PRCP: variants seen among roughly 807,000 people sequenced by gnomAD.
PRCP encodes prolylcarboxypeptidase.
In PRCP, 46 loss-of-function variants were observed where a neutral mutation model predicts 54.2. The ratio of observed to expected loss-of-function variants is 0.85; its 90% CI spans 0.67 to 1.09. The LOEUF (loss-of-function observed/expected upper bound fraction) is 1.09, where lower values mean the gene tolerates loss of function less well. Ranked by LOEUF, PRCP falls within the 50% of genes least tolerant of loss-of-function variation. PRCP has a pLI of 0.00. For missense variants in PRCP, 613 were observed against 596.8 expected, an observed-to-expected ratio of 1.03 and a Z score of -0.28; for synonymous variants, 240 against 212.2, an observed-to-expected ratio of 1.13 and a Z score of -1.14.
intron 8 of PRCP, chr11:82,836,969 T>C (rs1237352031): frequency 3.2e-6 from 1 of 311,274 alleles, no homozygotes; most frequent in Non-Finnish European, 6.3e-6. Flanking sequence ...TATCAAGGAA[T>C]ATGTCATTTA....
At chr11:82,854,972 C>A (rs1212041002) in intron 2 of PRCP, among the ~76,000 whole-genome samples, 1 of 152,152 alleles carries the variant, frequency 6.6e-6, no homozygotes, top group East Asian at 1.9e-4. Context: ...TAGCCATATG[C>A]AGAAGATTGA....
intron 1 of PRCP, among the ~76,000 whole-genome samples, chr11:82,860,939 T>C (rs557333315): frequency 3.0e-4 from 45 of 152,242 alleles, no homozygotes; most frequent in African/African-American, 1.1e-3. Context: ...GAGTTATATT[T>C]AAAGAAGATA....
chr11:82,872,531 G>A (rs1219825896), intron 1 of PRCP, among the ~76,000 whole-genome samples: 1 of 152,134 alleles, frequency 6.6e-6, no homozygotes, highest in Non-Finnish European at 1.5e-5. Context: ...AAAGCAAAAT[G>A]GCCATGTGAC....
At position 82,900,317 on chromosome 11, in the gene PRCP, A is replaced by C; in HGVS notation, c.86T>G (p.Leu29Arg). 1 of 1,614,212 alleles carries C rather than the reference A, an allele frequency of 6.2e-7. No individual in the cohort carries two copies. Among genetic ancestry groups the C allele is most frequent in the Non-Finnish European group, 8.5e-7 (1 of 1,180,024 alleles). Residue 29 changes from leucine (L) to arginine (R), a missense_variant, in exon 1 of 9, where the codon CTC becomes CGC. Leu to Arg is a moderately radical substitution (Grantham distance 102). Transcript: ENST00000313010. ...TIALRPALRA[L>R]GSLHLPTNPT... ...GTTGGTTGGCAAGTGTAGGCTGCCG[A>C]GGGCCCTTAAGGCCGGCCGGAGGGC...
At chr11:82,872,408 G>A (rs1018766164) in intron 1 of PRCP, among the ~76,000 whole-genome samples, 1 of 152,200 alleles carries the variant, frequency 6.6e-6, no homozygotes, top group Non-Finnish European at 1.5e-5. Context: ...GTTAAGATGA[G>A]GGCATGCTGG....
intron 1 of PRCP, among the ~76,000 whole-genome samples, chr11:82,865,309 C>T (rs1489985491): frequency 6.6e-6 from 1 of 152,176 alleles, no homozygotes; most frequent in East Asian, 1.9e-4. Flanking sequence ...CCTCGGTAGG[C>T]GACACTTAAG....
chr11:82,889,176 A>T (rs528712650), intron 1 of PRCP, among the ~76,000 whole-genome samples: 4 of 152,034 alleles, frequency 2.6e-5, no homozygotes, highest in Admixed American at 1.3e-4. Flanking sequence ...CCTGGGCAAC[A>T]TAGCAAGACC....
chr11:82,835,161 T>G lies in PRCP; in HGVS notation c.1274+3226A>C, dbSNP rs575078004. Among the ~76,000 whole-genome samples the G allele has an allele frequency of 3.9e-4, 60 of 152,352 alleles. 1 individual carries two copies. The highest frequency in any genetic ancestry group is 1.4e-3 in the African/African-American group (57 of 41,580). On this transcript the variant is annotated intron_variant, in intron 8 of 8. Coordinates refer to ENST00000313010, the MANE Select transcript of PRCP (RefSeq NM_005040.4). Reference sequence around the variant, plus strand: ...CCACCATGGTGCACGTTTACCTATGTAACAAACCTGCACATCCTACACATG... The same window carrying G: ...CCACCATGGTGCACGTTTACCTATGGAACAAACCTGCACATCCTACACATG...
chr11:82,867,510 G>T (rs1003065116), intron 1 of PRCP, among the ~76,000 whole-genome samples: 1 of 152,132 alleles, frequency 6.6e-6, no homozygotes, highest in Non-Finnish European at 1.5e-5. Flanking sequence ...TCTATCTGTT[G>T]GTCAAACAGC....
intron 6 of PRCP, chr11:82,843,264 C>T (rs1858719185): frequency 6.6e-6 from 1 of 151,092 alleles, no homozygotes; most frequent in Non-Finnish European, 1.5e-5. Context: ...TATGATCACA[C>T]CACTGCACTC....
intron 6 of PRCP, among the ~76,000 whole-genome samples, chr11:82,846,915 T>A (rs1468794569): frequency 1.3e-5 from 2 of 152,230 alleles, no homozygotes; most frequent in Non-Finnish European, 1.5e-5. Flanking sequence ...TTTTTCTAGA[T>A]AAGTGGTTAG....
chr11:82,893,616 A>C (rs997117670), intron 1 of PRCP, among the ~76,000 whole-genome samples: 1 of 152,084 alleles, frequency 6.6e-6, no homozygotes, highest in African/African-American at 2.4e-5. Context: ...ACATAACGAG[A>C]TCCCATCTCT....
intron 8 of PRCP, 90 bp downstream of exon 8, chr11:82,838,297 T>C: frequency 1.6e-6 from 2 of 1,231,838 alleles, no homozygotes; most frequent in East Asian, 2.4e-5. Flanking sequence ...TATGTTGTTA[T>C]ATTGTCCAGC....
intron 1 of PRCP, among the ~76,000 whole-genome samples, chr11:82,872,257 T>C (rs1261313638): frequency 1.3e-5 from 2 of 152,208 alleles, no homozygotes; most frequent in Admixed American, 6.5e-5. Flanking sequence ...GACTACTGTA[T>C]AGCTCCAATA....
chr11:82,838,570 CAGGCCTA>C lies in PRCP; in HGVS notation c.1087-3_1090del. The C allele has an allele frequency of 6.2e-7, 1 of 1,611,546 alleles. No homozygotes were observed. The highest frequency in any genetic ancestry group is 8.5e-7 in the Non-Finnish European group (1 of 1,179,106). On this transcript the variant is annotated splice_acceptor_variant and splice_polypyrimidine_tract_variant and coding_sequence_variant and intron_variant, in exon 8 of 9. Transcript: ENST00000313010. LOFTEE classifies it high-confidence loss of function. ...ACAAAAGGGCATGACTACTTCTGTGCAGGCCTAAGAAGCAAACCAAGAGAGAATCCAA... is the reference window on the plus strand; with the variant it reads ...ACAAAAGGGCATGACTACTTCTGTGCAGAAGCAAACCAAGAGAGAATCCAA...
chr11:82,851,938 T>G (rs1858968184), intron 3 of PRCP, among the ~76,000 whole-genome samples: 2 of 152,188 alleles, frequency 1.3e-5, no homozygotes, highest in South Asian at 4.1e-4. Context: ...TCTGTACAGT[T>G]GAGTGCATTT....
intron 1 of PRCP, among the ~76,000 whole-genome samples, chr11:82,868,595 T>A (rs1197235773): frequency 3.1e-5 from 1 of 32,474 alleles, no homozygotes; most frequent in African/African-American, 2.6e-4. Context: ...CAGAGAAGAA[T>A]TTTTTTTTTT....
Position 82,850,315 on chromosome 11 carries a change from T to C in PRCP, c.593+9A>G, listed in dbSNP as rs779764255. On this transcript the variant is annotated intron_variant, in intron 4 of 8. Transcript: ENST00000313010. Reference sequence around the variant, plus strand: ...AAGAAACGTTCATGTCCAGTACAAATGCACTTACCCAACTACCATATGAGG... The same window carrying C: ...AAGAAACGTTCATGTCCAGTACAAACGCACTTACCCAACTACCATATGAGG... 4 of 1,503,268 alleles carry C rather than the reference T, an allele frequency of 2.7e-6. No homozygotes were observed. Among genetic ancestry groups the C allele is most frequent in the Non-Finnish European group, 3.6e-6 (4 of 1,121,020 alleles). 93.1% of individuals were successfully genotyped at this position (1,503,268 alleles called of 1,614,324 possible).
At position 82,823,585 on chromosome 11, in the gene PRCP, GT is replaced by G. The variant is rs1858147170; in HGVS notation, c.*1320del. 1 of 151,864 alleles carries G rather than the reference GT, an allele frequency of 6.6e-6. No individual in the cohort carries two copies. Among genetic ancestry groups the G allele is most frequent in the Non-Finnish European group, 1.5e-5 (1 of 67,958 alleles). The allele number at this position is 151,864 out of a possible 1,614,324, so 9.4% of individuals were successfully genotyped here. ...TAAAAATGATCAAGCTCAAGGTACA[GT>G]TTTTTAAAAGCAGAAAATGTTCCCA... On this transcript the variant is annotated 3_prime_UTR_variant, in exon 9 of 9. Coordinates refer to ENST00000313010, the MANE Select transcript of PRCP (RefSeq NM_005040.4).
Sources: allele counts gnomAD v4.1 joint callset (sites outside exome capture counted in the v4.1 genomes callset), GRCh38; gene constraint gnomAD v4.1.1; transcripts MANE v1.5; gene names NCBI Gene and HGNC (gene_info 2026-07-23, HGNC 2026-07-21).